SPAG16: variants seen among roughly 807,000 people sequenced by gnomAD.
SPAG16 encodes sperm-associated antigen 16 protein.
Under a neutral mutation model 80.4 loss-of-function variants are expected in SPAG16, and 86 were observed. The ratio of observed to expected loss-of-function variants is 1.07; its 90% confidence interval spans 0.90 to 1.28. SPAG16 has a LOEUF of 1.28. SPAG16 is among the 50% of genes most tolerant of loss of function. The pLI is 0.00. For synonymous variants in SPAG16, 294 were observed against 265.9 expected (o/e 1.11, Z -1.03); for missense variants, 870 against 765.3 (o/e 1.14, Z -1.61).
intron 15 of SPAG16, among the ~76,000 whole-genome samples, chr2:214,368,794 C>T (rs1489764016): frequency 6.6e-6 from 1 of 152,140 alleles, no homozygotes. Context: ...CACATAATCA[C>T]ACCATGGACC....
chr2:213,838,580 A>T (rs1050265003), intron 10 of SPAG16, among the ~76,000 whole-genome samples: 3 of 152,232 alleles, frequency 2.0e-5, no homozygotes, highest in African/African-American at 7.2e-5. Context: ...ACAGATTTAA[A>T]GATCTTAATT....
At chr2:214,293,442 G>A (rs1041243598) in intron 15 of SPAG16, among the ~76,000 whole-genome samples, 1 of 152,198 alleles carries the variant, frequency 6.6e-6, no homozygotes, top group Non-Finnish European at 1.5e-5. Context: ...AGCTGGTCTG[G>A]TAATCCCTAG....
intron 6 of SPAG16, among the ~76,000 whole-genome samples, chr2:213,349,991 C>G (rs1385169707): frequency 6.6e-6 from 1 of 152,174 alleles, no homozygotes; most frequent in Middle Eastern, 3.4e-3. Flanking sequence ...AGGTCATTTT[C>G]AAATAAAACA....
intron 15 of SPAG16, among the ~76,000 whole-genome samples, chr2:214,181,565 TA>T (rs1400258576): frequency 6.6e-6 from 1 of 151,770 alleles, no homozygotes; most frequent in Admixed American, 6.6e-5. Flanking sequence ...CACTCACAGA[TA>T]TTCTCTATCC....
chr2:213,315,715 C>G (rs1425334560), intron 4 of SPAG16, among the ~76,000 whole-genome samples: 1 of 150,354 alleles, frequency 6.7e-6, no homozygotes, highest in African/African-American at 2.5e-5. Flanking sequence ...TTAATAGTGA[C>G]TTTCACAGTG....
intron 9 of SPAG16, among the ~76,000 whole-genome samples, chr2:213,392,824 T>G (rs891652072): frequency 9.9e-5 from 15 of 151,074 alleles, no homozygotes; most frequent in Non-Finnish European, 1.9e-4. Context: ...CCATCCTGGG[T>G]GATGGAGCGA....
chr2:213,909,761 A>G (rs974632334), intron 11 of SPAG16, among the ~76,000 whole-genome samples: 2 of 152,234 alleles, frequency 1.3e-5, no homozygotes, highest in Non-Finnish European at 1.5e-5. Flanking sequence ...TTAGACCAAG[A>G]TCATTCTTGA....
chr2:213,737,609 TC>T (rs2067346808), intron 10 of SPAG16, among the ~76,000 whole-genome samples: 1 of 151,720 alleles, frequency 6.6e-6, no homozygotes, highest in South Asian at 2.1e-4. Context: ...TGCCTCAGCC[TC>T]CCGAGTAGCT....
intron 15 of SPAG16, among the ~76,000 whole-genome samples, chr2:214,316,865 C>T (rs1695733972): frequency 6.6e-6 from 1 of 152,202 alleles, no homozygotes; most frequent in Non-Finnish European, 1.5e-5. Context: ...ACTTCTACAG[C>T]CACATCTGCT....
chr2:214,319,204 A>ACACACACACACACACACACG (rs1695916690), intron 15 of SPAG16, among the ~76,000 whole-genome samples: 1 of 150,768 alleles, frequency 6.6e-6, no homozygotes, highest in Non-Finnish European at 1.5e-5. Flanking sequence ...CACACACCAC[A>ACACACACACACACACACACG]CACACACACA....
At chr2:214,169,827 GTGA>G (rs2056806664) in intron 15 of SPAG16, among the ~76,000 whole-genome samples, 1 of 151,978 alleles carries the variant, frequency 6.6e-6, no homozygotes, top group Non-Finnish European at 1.5e-5. Flanking sequence ...AGTGAACTTG[GTGA>G]TGAACAAGTT....
chr2:214,103,480 A>AAGAGAG (rs2053196017), intron 13 of SPAG16, among the ~76,000 whole-genome samples: 1 of 152,200 alleles, frequency 6.6e-6, no homozygotes, highest in Admixed American at 6.5e-5. Flanking sequence ...GACTGGTTGT[A>AAGAGAG]AGAGAGACGT....
At chr2:213,888,673 G>T (rs374347278) in intron 11 of SPAG16, among the ~76,000 whole-genome samples, 8 of 151,830 alleles carry the variant, frequency 5.3e-5, no homozygotes, top group East Asian at 1.9e-4. Flanking sequence ...CTAAGGCAAA[G>T]AATTTACTCC....
intron 5 of SPAG16, among the ~76,000 whole-genome samples, chr2:213,335,250 ATGAACT>A (rs1446963816): frequency 1.3e-5 from 2 of 152,202 alleles, no homozygotes; most frequent in Non-Finnish European, 2.9e-5. Context: ...GAATCTCATA[ATGAACT>A]TGAGAAAATT....
chr2:213,831,143 G>T (rs531075354), intron 10 of SPAG16, among the ~76,000 whole-genome samples: 1 of 147,530 alleles, frequency 6.8e-6, no homozygotes, highest in South Asian at 2.2e-4. Context: ...GAGTTCAAGC[G>T]ATTCTCCTGC....
intron 11 of SPAG16, among the ~76,000 whole-genome samples, chr2:213,865,969 TAATA>T (rs1007748125): frequency 6.0e-5 from 9 of 149,598 alleles, no homozygotes; most frequent in African/African-American, 2.2e-4. Flanking sequence ...TTTTAGGAAA[TAATA>T]AATCTCTGTG....
chr2:214,218,670 G>A (rs2058492170), intron 15 of SPAG16, among the ~76,000 whole-genome samples: 1 of 152,166 alleles, frequency 6.6e-6, no homozygotes, highest in Non-Finnish European at 1.5e-5. Flanking sequence ...ATTTATTATT[G>A]AATATTATAG....
intron 10 of SPAG16, among the ~76,000 whole-genome samples, chr2:213,720,358 T>G (rs1483753429): frequency 6.6e-6 from 1 of 151,560 alleles, no homozygotes. Context: ...CCAGGCGCAG[T>G]GGCTAACACC....
Position 213,490,030 on chromosome 2 carries a change from C to T in SPAG16, c.1010C>T (p.Pro337Leu). ...NLNVSKESLS[P>L]AKFDYKLKNI... is the part of the protein sequence containing the mutation. ...AATGTTTCTAAAGAAAGTCTTTCTC[C>T]AGCAAAATTTGACTACAAGCTGAAA... Residue 337 changes from proline (P) to leucine (L), a missense_variant, in exon 10 of 16, where the codon CCA becomes CTA. Transcript: ENST00000331683. 2.5e-6 allele frequency: 4 copies of T among 1,610,592 alleles called. No individual in the cohort carries two copies. The South Asian group carries it at 4.4e-5, about 18-fold the overall frequency.
Sources: allele counts gnomAD v4.1 joint callset (sites outside exome capture counted in the v4.1 genomes callset), GRCh38; gene constraint gnomAD v4.1.1; transcripts MANE v1.5; gene names NCBI Gene and HGNC (gene_info 2026-07-23, HGNC 2026-07-21).